Variants in XYLT1 observed in about 807,000 individuals in gnomAD.
XYLT1 encodes the protein xylosyltransferase 1, also known as beta-D-xylosyltransferase 1.
Under a neutral mutation model 91.3 loss-of-function variants are expected in XYLT1, and 36 were observed. The ratio of observed to expected loss-of-function variants is 0.39; its 90% CI spans 0.30 to 0.52. XYLT1 has a LOEUF of 0.52. Among genes scored for constraint, XYLT1 ranks in the 20% least tolerant of loss-of-function variants. The pLI is 0.68. For synonymous variants in XYLT1, 588 were observed against 532.0 expected (o/e 1.11, Z -1.45); for missense variants, 1,242 against 1,284.5 (o/e 0.97, Z 0.51).
chr16:17,165,566 G>A (rs750807145), intron 5 of XYLT1, among the ~76,000 whole-genome samples: 1 of 152,058 alleles, frequency 6.6e-6, no homozygotes, highest in African/African-American at 2.4e-5. Flanking sequence ...GGTAGTGGGC[G>A]CCTGTAATCC....
chr16:17,421,480 T>G (rs1004785720), intron 1 of XYLT1, among the ~76,000 whole-genome samples: 2 of 152,176 alleles, frequency 1.3e-5, no homozygotes, highest in Non-Finnish European at 2.9e-5. Flanking sequence ...CAGTTTTAAG[T>G]GTAGCCCTTA....
At chr16:17,243,110 C>T (rs537632238) in intron 3 of XYLT1, among the ~76,000 whole-genome samples, 7 of 152,286 alleles carry the variant, frequency 4.6e-5, no homozygotes, top group Admixed American at 2.0e-4. Context: ...ACTCTGCCTT[C>T]AATTCTTCTA....
chr16:17,174,184 C>T (rs2031888970), intron 5 of XYLT1, among the ~76,000 whole-genome samples: 1 of 152,222 alleles, frequency 6.6e-6, no homozygotes, highest in Non-Finnish European at 1.5e-5. Flanking sequence ...TCTACAGAAG[C>T]TGAAATTCCT....
At chr16:17,163,341 C>T (rs1363795121) in intron 5 of XYLT1, among the ~76,000 whole-genome samples, 1 of 152,212 alleles carries the variant, frequency 6.6e-6, no homozygotes, top group African/African-American at 2.4e-5. Context: ...GCAGAGTTCT[C>T]AGGTTCCCAT....
At chr16:17,415,022 A>G (rs1364864564) in intron 1 of XYLT1, among the ~76,000 whole-genome samples, 3 of 152,158 alleles carry the variant, frequency 2.0e-5, no homozygotes, top group Non-Finnish European at 4.4e-5. Context: ...CGTGTCTGAC[A>G]CACAGCACCC....
At chr16:17,464,466 C>T (rs1413465948) in intron 1 of XYLT1, among the ~76,000 whole-genome samples, 6 of 133,642 alleles carry the variant, frequency 4.5e-5, no homozygotes, top group African/African-American at 1.5e-4. Context: ...CACTCCAGGC[C>T]GGGCAACAGA....
chr16:17,138,253 C>CACCATGTGATAAGATG, intron 8 of XYLT1, 102 bp downstream of exon 8: 3 of 1,407,386 alleles, frequency 2.1e-6, no homozygotes, highest in Non-Finnish European at 2.9e-6. Flanking sequence ...CAGGTTTGGG[C>CACCATGTGATAAGATG]ACCATGTGAT....
intron 3 of XYLT1, among the ~76,000 whole-genome samples, chr16:17,203,363 C>T (rs1442962867): frequency 6.6e-6 from 1 of 152,080 alleles, no homozygotes; most frequent in Non-Finnish European, 1.5e-5. Flanking sequence ...TCCACCCATC[C>T]ACCCATTAAT....
chr16:17,268,454 T>G (rs1022214444), intron 2 of XYLT1, among the ~76,000 whole-genome samples: 2 of 152,202 alleles, frequency 1.3e-5, no homozygotes, highest in Non-Finnish European at 2.9e-5. Context: ...CAATAATGTT[T>G]GAGACTATAC....
intron 1 of XYLT1, among the ~76,000 whole-genome samples, chr16:17,460,284 G>A (rs1450986351): frequency 6.6e-6 from 1 of 152,180 alleles, no homozygotes; most frequent in Non-Finnish European, 1.5e-5. Flanking sequence ...ACTCAAAGGA[G>A]GCTGTCACTC....
chr16:17,372,103 G>A (rs1404782203), intron 1 of XYLT1, among the ~76,000 whole-genome samples: 1 of 152,186 alleles, frequency 6.6e-6, no homozygotes, highest in Non-Finnish European at 1.5e-5. Context: ...TTTTACTTCT[G>A]AGCTGGGATA....
chr16:17,118,555 C>T (rs1407020331), intron 10 of XYLT1, among the ~76,000 whole-genome samples: 3 of 152,116 alleles, frequency 2.0e-5, no homozygotes, highest in Non-Finnish European at 2.9e-5. Context: ...TCCCAAGGCA[C>T]CTAGATCTGG....
intron 2 of XYLT1, among the ~76,000 whole-genome samples, chr16:17,296,541 G>A (rs1417821912): frequency 3.3e-5 from 5 of 152,170 alleles, no homozygotes; most frequent in East Asian, 1.9e-4. Context: ...GAAATTAGAC[G>A]TGCAAGATAC....
intron 1 of XYLT1, among the ~76,000 whole-genome samples, chr16:17,465,543 T>C (rs927922158): frequency 8.5e-5 from 9 of 105,384 alleles, no homozygotes; most frequent in African/African-American, 3.7e-4. Flanking sequence ...TGGAAATTTT[T>C]TGTGTTTTTT....
intron 3 of XYLT1, among the ~76,000 whole-genome samples, chr16:17,218,499 T>A (rs1283294084): frequency 1.3e-5 from 2 of 152,140 alleles, no homozygotes; most frequent in Non-Finnish European, 2.9e-5. Flanking sequence ...GAAGGCTCAG[T>A]GCCTTACATA....
At chr16:17,450,291 T>C (rs2036648761) in intron 1 of XYLT1, among the ~76,000 whole-genome samples, 1 of 151,976 alleles carries the variant, frequency 6.6e-6, no homozygotes, top group African/African-American at 2.4e-5. Flanking sequence ...TGAGCTGAGA[T>C]TGCGCCACTG....
intron 1 of XYLT1, among the ~76,000 whole-genome samples, chr16:17,430,943 T>C (rs1348850194): frequency 2.0e-5 from 3 of 152,130 alleles, no homozygotes; most frequent in African/African-American, 4.8e-5. Context: ...ACCCAAAATG[T>C]ATAATAAATG....
chr16:17,164,694 C>T (rs1184641154), intron 5 of XYLT1, among the ~76,000 whole-genome samples: 1 of 152,122 alleles, frequency 6.6e-6, no homozygotes, highest in East Asian at 1.9e-4. Context: ...TGTATCATAC[C>T]TTAGAATTTC....
intron 1 of XYLT1, among the ~76,000 whole-genome samples, chr16:17,419,353 CAAAAAAA>C (rs2036221342): frequency 6.6e-6 from 1 of 151,552 alleles, no homozygotes; most frequent in African/African-American, 2.4e-5. Context: ...AAAACAAAAA[CAAAAAAA>C]GATAGACTGC....
Sources: gnomAD v4.1 joint callset for allele counts (sites outside exome capture counted in the v4.1 genomes callset) on GRCh38, gnomAD v4.1.1 for gene constraint, MANE v1.5 for transcripts, NCBI Gene and HGNC (gene_info 2026-07-23, HGNC 2026-07-21) for gene names.